Variants in MGST1 observed in about 807,000 individuals in gnomAD.
MGST1 encodes the protein microsomal glutathione S-transferase 1, also known as glutathione S-transferase 12.
In MGST1, 5 loss-of-function variants were observed where a neutral mutation model predicts 8.9. The observed-to-expected ratio is 0.56, with a 90% CI of 0.29 to 1.19. The LOEUF is 1.19. Among genes scored for constraint, MGST1 ranks in the 50% most tolerant of loss-of-function variants. MGST1 has a pLI of 0.08. For missense variants in MGST1, 182 were observed against 187.4 expected (o/e 0.97, Z 0.17); for synonymous variants, 54 against 67.8 (o/e 0.80, Z 1.00).
intron 4 of MGST1, among the ~76,000 whole-genome samples, chr12:16,541,051 AGAAT>A (rs1276166297): frequency 6.6e-6 from 1 of 152,340 alleles, no homozygotes; most frequent in East Asian, 1.9e-4. Context: ...ATTAGGGAAA[AGAAT>A]GAAGTGGCAG....
At chr12:16,565,142 T>A (rs536894427) in intron 4 of MGST1, among the ~76,000 whole-genome samples, 2 of 152,020 alleles carry the variant, frequency 1.3e-5, no homozygotes, top group Non-Finnish European at 2.9e-5. Context: ...ATCCTATCTT[T>A]AAAAAAAACT....
chr12:16,358,779 CTTTTTTTT>C (rs35081887), intron 3 of MGST1, among the ~76,000 whole-genome samples: 29 of 57,582 alleles, frequency 5.0e-4, no homozygotes, highest in Middle Eastern at 0.024. Flanking sequence ...AAATTCATTC[CTTTTTTTT>C]TTTTTTTTTT....
Position 16,389,225 on chromosome 12 carries a change from C to A in MGST1, n.778+5621C>A, listed in dbSNP as rs1014411650. ...CAGAAATAACAGAAGGAAATTTTAG[C>A]TTCACAAACTGAAAAGAAATAGTTT... On this transcript the variant is annotated intron_variant and non_coding_transcript_variant, in intron 1 of 1. Transcript: ENST00000359720. The surrounding 1 kb of genome is among the most constrained non-coding windows in gnomAD (Gnocchi z 4.6). Among the ~76,000 whole-genome samples, 1 of 152,168 alleles carries A rather than the reference C, an allele frequency of 6.6e-6. No individual in the cohort carries two copies. The highest frequency in any genetic ancestry group is 1.5e-5 in the Non-Finnish European group (1 of 68,000).
chr12:16,390,777 G>A (rs945628449), intron 1 of MGST1, among the ~76,000 whole-genome samples: 2 of 152,086 alleles, frequency 1.3e-5, no homozygotes, highest in Non-Finnish European at 2.9e-5. Flanking sequence ...ACATTCACAT[G>A]TATGTCTTTA....
chr12:16,467,455 CAT>C (rs1331539929), intron 4 of MGST1, among the ~76,000 whole-genome samples: 3 of 152,132 alleles, frequency 2.0e-5, no homozygotes, highest in African/African-American at 7.2e-5. Context: ...AACTGTGACT[CAT>C]ATTATACAGA....
At chr12:16,353,067 T>C (rs1939543180) in intron 1 of MGST1, among the ~76,000 whole-genome samples, 1 of 151,884 alleles carries the variant, frequency 6.6e-6, no homozygotes, top group Non-Finnish European at 1.5e-5. Context: ...AGAGTCTCAC[T>C]CTGTCACCCA....
intron 4 of MGST1, chr12:16,551,321 A>C: frequency 6.3e-7 from 1 of 1,580,530 alleles, no homozygotes; most frequent in African/African-American, 1.3e-5. Context: ...TGTCTCCAAC[A>C]CAAAATCTGA....
rs185908350 is a variant in MGST1, at chr12:16,581,654, C to T, written n.483-7874C>T. Among the ~76,000 whole-genome samples the T allele has an allele frequency of 2.2e-4, 33 of 152,192 alleles. No homozygotes were observed. In the East Asian group the frequency reaches 4.8e-3, roughly 22 times the overall value. On this transcript the variant is annotated intron_variant and non_coding_transcript_variant, in intron 4 of 4. Coordinates refer to the MGST1 transcript ENST00000538857. ...AAAATTCCATTGCTATTATAACAGG[C>T]TTACCATCAGTCTCATTGAGATTTT...
rs893047547 is a variant in MGST1, at chr12:16,585,830, CAAAG to C, written n.483-3694_483-3691del. 9.2e-5 allele frequency among the ~76,000 whole-genome samples: 14 copies of C among 152,194 alleles called. No individual in the cohort carries two copies. Among genetic ancestry groups the C allele is most frequent in the South Asian group, 2.1e-4 (1 of 4,826 alleles). ...AATTTGATCTGGGCTTCCCAGGAAA[CAAAG>C]AAAAGAGGGAAAATGTCAACATGTA... On this transcript the variant is annotated intron_variant and non_coding_transcript_variant, in intron 4 of 4. Coordinates refer to the MGST1 transcript ENST00000538857. This position sits in a 1 kb window ranked among gnomAD's most constrained non-coding sequence, Gnocchi z 4.7.
chr12:16,444,903 T>C (rs1463162885), intron 4 of MGST1, among the ~76,000 whole-genome samples: 1 of 151,926 alleles, frequency 6.6e-6, no homozygotes, highest in Non-Finnish European at 1.5e-5. Context: ...TATGAGAAGC[T>C]GTTTTTCTAA....
At chr12:16,453,743 T>A (rs1941148195) in intron 4 of MGST1, among the ~76,000 whole-genome samples, 1 of 151,894 alleles carries the variant, frequency 6.6e-6, no homozygotes, top group African/African-American at 2.4e-5. Context: ...GTTGCTTGAC[T>A]TGTAGAAGCT....
intron 1 of MGST1, among the ~76,000 whole-genome samples, chr12:16,417,707 T>G (rs1940799215): frequency 6.6e-6 from 1 of 152,116 alleles, no homozygotes. Context: ...TACCTCTAAC[T>G]TATGGTAGGT....
intron 4 of MGST1, among the ~76,000 whole-genome samples, chr12:16,510,374 A>G (rs1284749108): frequency 6.6e-6 from 1 of 152,238 alleles, no homozygotes; most frequent in Non-Finnish European, 1.5e-5. Flanking sequence ...TTTCCTCACA[A>G]ACTTTGCCAG....
chr12:16,393,202 GC>G (rs1355000566), intron 1 of MGST1, among the ~76,000 whole-genome samples: 7 of 152,202 alleles, frequency 4.6e-5, no homozygotes, highest in Non-Finnish European at 1.0e-4. Flanking sequence ...AAATAAGGGG[GC>G]CCTGATATTT....
chr12:16,429,292 T>A (rs1940919420), intron 1 of MGST1, among the ~76,000 whole-genome samples: 1 of 152,192 alleles, frequency 6.6e-6, no homozygotes, highest in African/African-American at 2.4e-5. Context: ...CAATCACTGA[T>A]GCTGAGCAGT....
chr12:16,553,042 T>C (rs1017244071), intron 4 of MGST1, among the ~76,000 whole-genome samples: 2 of 152,116 alleles, frequency 1.3e-5, no homozygotes, highest in African/African-American at 4.8e-5. Context: ...AAATGAAATA[T>C]CTAAAATCTT....
downstream of MGST1, among the ~76,000 whole-genome samples, chr12:16,589,935 T>C (rs1401932247): frequency 1.3e-5 from 2 of 152,038 alleles, no homozygotes; most frequent in Non-Finnish European, 2.9e-5. The surrounding 1 kb of genome is among the most constrained non-coding windows in gnomAD (Gnocchi z 4.2). Context: ...GAAGTATGTG[T>C]TGGATTTTTT....
chr12:16,401,561 G>T lies in MGST1; in HGVS notation n.778+17957G>T, dbSNP rs571269537. 2.8e-5 allele frequency: 33 copies of T among 1,198,126 alleles called. 1 individual carries two copies. The African/African-American group carries it at 4.2e-4, about 15-fold the overall frequency. The allele number at this position is 1,198,126 out of a possible 1,614,324, so 74.2% of individuals were successfully genotyped here. A position where few individuals can be genotyped will look rare whatever the true frequency, so the allele number is the denominator to read the frequency against. On this transcript the variant is annotated intron_variant and non_coding_transcript_variant, in intron 1 of 1. Coordinates refer to the MGST1 transcript ENST00000359720. This position sits in a 1 kb window ranked among gnomAD's most constrained non-coding sequence, Gnocchi z 4.3. Reference sequence around the variant, plus strand: ...TGAGGAGGATCAGCCATCAAAGTGCGAACAGGTTGGAGCAATAAGACTCGA... The same window carrying T: ...TGAGGAGGATCAGCCATCAAAGTGCTAACAGGTTGGAGCAATAAGACTCGA...
intron 1 of MGST1, among the ~76,000 whole-genome samples, chr12:16,435,592 C>T (rs886651341): frequency 2.6e-5 from 4 of 151,848 alleles, no homozygotes; most frequent in African/African-American, 9.7e-5. Context: ...TTCATCCATT[C>T]AACATTCAGC....
Sources: allele counts gnomAD v4.1 joint callset (sites outside exome capture counted in the v4.1 genomes callset), GRCh38; gene constraint gnomAD v4.1.1; non-coding constraint Gnocchi (gnomAD v3.1); transcripts MANE v1.5; gene names NCBI Gene and HGNC (gene_info 2026-07-23, HGNC 2026-07-21).